C12orf42: variants seen among roughly 807,000 people sequenced by gnomAD.
C12orf42 encodes the protein uncharacterized protein C12orf42.
C12orf42 carries 25 observed loss-of-function variants against 21.6 expected under a neutral mutation model. The ratio of observed to expected loss-of-function variants is 1.16; its 90% CI spans 0.84 to 1.62. C12orf42 has a LOEUF of 1.62. Ranked by LOEUF, C12orf42 falls within the 40% of genes most tolerant of loss-of-function variation. The pLI is 0.00. For synonymous variants in C12orf42, 174 were observed against 175.0 expected (o/e 0.99, Z 0.05); for missense variants, 483 against 459.3 (o/e 1.05, Z -0.47).
At chr12:103,076,427 T>A in the C12orf42 span, among the ~76,000 whole-genome samples, 1 of 151,994 alleles carries the variant, frequency 6.6e-6, no homozygotes, top group East Asian at 1.9e-4. Flanking sequence ...TGTTGGCCAG[T>A]CAAACCCATT....
chr12:103,171,329 C>T, the C12orf42 span, among the ~76,000 whole-genome samples: 1 of 152,058 alleles, frequency 6.6e-6, no homozygotes, highest in South Asian at 2.1e-4. Context: ...TCTATGAGGG[C>T]AGAGGCATTG....
the C12orf42 span, among the ~76,000 whole-genome samples, chr12:103,222,393 C>T: frequency 6.6e-6 from 1 of 152,096 alleles, no homozygotes. Context: ...GTAATGTCAT[C>T]ACTTAAGGCA....
chr12:103,309,479 C>T (rs1235370504), intron 4 of C12orf42, among the ~76,000 whole-genome samples: 5 of 152,096 alleles, frequency 3.3e-5, no homozygotes, highest in African/African-American at 7.2e-5. Context: ...CAATAAGCTT[C>T]CAGTCAACAG....
intron 1 of C12orf42, among the ~76,000 whole-genome samples, chr12:103,493,888 TCTAA>T (rs1040748316): frequency 4.6e-5 from 7 of 152,316 alleles, no homozygotes; most frequent in South Asian, 4.1e-4. Flanking sequence ...ACTACTTACT[TCTAA>T]CTCTTAGATA....
chr12:103,178,996 G>A, the C12orf42 span, among the ~76,000 whole-genome samples: 1 of 152,112 alleles, frequency 6.6e-6, no homozygotes, highest in Non-Finnish European at 1.5e-5. Flanking sequence ...GCATCTTTCA[G>A]GAACAACTCT....
chr12:103,434,303 A>G (rs1231716127), intron 2 of C12orf42, among the ~76,000 whole-genome samples: 3 of 152,312 alleles, frequency 2.0e-5, no homozygotes, highest in African/African-American at 7.2e-5. Flanking sequence ...GCCCTGGGTC[A>G]CATGCCTGCC....
chr12:103,250,998 G>C (rs1222037853), intron 10 of C12orf42, among the ~76,000 whole-genome samples: 2 of 151,962 alleles, frequency 1.3e-5, no homozygotes, highest in African/African-American at 2.4e-5. Flanking sequence ...TAATCCTAAA[G>C]ACCACCCCTT....
At chr12:103,177,886 A>C in the C12orf42 span, among the ~76,000 whole-genome samples, 1 of 151,208 alleles carries the variant, frequency 6.6e-6, no homozygotes, top group Admixed American at 6.6e-5. Flanking sequence ...CGCGCGCGCT[A>C]ACAGCAGTGC....
chr12:103,502,417 T>G, the C12orf42 span, among the ~76,000 whole-genome samples: 2 of 152,202 alleles, frequency 1.3e-5, no homozygotes, highest in Non-Finnish European at 2.9e-5. Flanking sequence ...AGCTGGCCCT[T>G]AAGGAATGGT....
the C12orf42 span, among the ~76,000 whole-genome samples, chr12:103,149,921 T>C: frequency 1.3e-5 from 2 of 152,206 alleles, no homozygotes; most frequent in Non-Finnish European, 2.9e-5. Context: ...AAGGTTTAAA[T>C]TAGTAAGTCT....
At chr12:103,088,168 G>A in the C12orf42 span, among the ~76,000 whole-genome samples, 2 of 152,192 alleles carry the variant, frequency 1.3e-5, no homozygotes, top group Admixed American at 6.5e-5. Flanking sequence ...AATGTTAGGA[G>A]AATTTTCCAT....
At chr12:103,386,092 T>C (rs1384295935) in intron 3 of C12orf42, among the ~76,000 whole-genome samples, 1 of 152,224 alleles carries the variant, frequency 6.6e-6, no homozygotes, top group Non-Finnish European at 1.5e-5. Flanking sequence ...TTGGTGTTAT[T>C]ATTACCACAT....
intron 2 of C12orf42, among the ~76,000 whole-genome samples, chr12:103,414,192 T>C (rs1351704249): frequency 6.6e-6 from 1 of 152,178 alleles, no homozygotes; most frequent in Non-Finnish European, 1.5e-5. Flanking sequence ...AGGAGTAAGG[T>C]GGCATCACAT....
At chr12:103,348,335 G>A (rs2042813842) in intron 4 of C12orf42, among the ~76,000 whole-genome samples, 1 of 152,154 alleles carries the variant, frequency 6.6e-6, no homozygotes, top group Non-Finnish European at 1.5e-5. Flanking sequence ...ACAAGACAAG[G>A]AAGATCCTAC....
At chr12:103,240,306 G>A (rs1028122781) in intron 10 of C12orf42, among the ~76,000 whole-genome samples, 5 of 152,148 alleles carry the variant, frequency 3.3e-5, no homozygotes, top group Non-Finnish European at 5.9e-5. Flanking sequence ...AAGTAGATAA[G>A]ACGATAAGAC....
the C12orf42 span, among the ~76,000 whole-genome samples, chr12:103,548,106 C>T: frequency 6.6e-6 from 1 of 152,188 alleles, no homozygotes; most frequent in South Asian, 2.1e-4. Flanking sequence ...GGCCTGGGGC[C>T]TGCGTCAGGG....
chr12:103,154,654 T>C, the C12orf42 span, among the ~76,000 whole-genome samples: 1 of 152,180 alleles, frequency 6.6e-6, no homozygotes, highest in Non-Finnish European at 1.5e-5. Context: ...AAAAGGTGGA[T>C]TCATTCTTTC....
At chr12:103,307,155 C>T (rs2038427220) in intron 4 of C12orf42, among the ~76,000 whole-genome samples, 1 of 152,068 alleles carries the variant, frequency 6.6e-6, no homozygotes, top group Non-Finnish European at 1.5e-5. Context: ...TTACAGTGGT[C>T]CTCAGGAACC....
At chr12:103,228,279 T>C in the C12orf42 span, among the ~76,000 whole-genome samples, 4 of 151,200 alleles carry the variant, frequency 2.6e-5, no homozygotes, top group African/African-American at 9.7e-5. Context: ...TCAAAGGGGG[T>C]TTGTTCTCTG....
Sources: allele counts gnomAD v4.1 joint callset (sites outside exome capture counted in the v4.1 genomes callset), GRCh38; gene constraint gnomAD v4.1.1; transcripts MANE v1.5; gene names NCBI Gene and HGNC (gene_info 2026-07-23, HGNC 2026-07-21).